MICALL1: variants seen among roughly 807,000 people sequenced by gnomAD.
MICALL1 encodes the protein MICAL like 1.
In MICALL1, 61 loss-of-function variants were observed where a neutral mutation model predicts 83.7. The ratio of observed to expected loss-of-function variants is 0.73; its 90% CI spans 0.59 to 0.90. The LOEUF is 0.90. Among genes scored for constraint, MICALL1 ranks in the 40% least tolerant of loss-of-function variants. MICALL1 has a pLI of 0.00. For missense variants in MICALL1, 1,066 were observed against 1,152.0 expected (o/e 0.93, Z 1.08); for synonymous variants, 481 against 473.6 (o/e 1.02, Z -0.20).
intron 6 of MICALL1, among the ~76,000 whole-genome samples, chr22:37,922,852 G>C (rs1393986916): frequency 7.2e-6 from 1 of 139,300 alleles, no homozygotes; most frequent in Non-Finnish European, 1.5e-5. Flanking sequence ...TGGTCAAGCT[G>C]GTGTTGAACT....
chr22:37,919,241 C>A, intron 5 of MICALL1, 63 bp downstream of exon 5: 1 of 1,438,426 alleles, frequency 7.0e-7, no homozygotes, highest in East Asian at 2.8e-5. Context: ...GGGTTCAGCA[C>A]ACACAGTGCG....
At position 37,932,278 on chromosome 22, in the gene MICALL1, CT is replaced by C. The variant is rs1478546995; in HGVS notation, c.2017-272del. On this transcript the variant is annotated intron_variant, in intron 10 of 15. Coordinates refer to ENST00000215957, the MANE Select transcript of MICALL1 (RefSeq NM_033386.4). The surrounding 1 kb of genome is among the most constrained non-coding windows in gnomAD (Gnocchi z 4.4). ...TCACTCTCACTGACATTGTGATACC[CT>C]TTCTGGAGTGGCAGAGAGGAGGCGT... 6.6e-6 allele frequency among the ~76,000 whole-genome samples: 1 copy of C among 152,250 alleles called. No individual in the cohort carries two copies. The highest frequency in any genetic ancestry group is 1.5e-5 in the Non-Finnish European group (1 of 68,042).
intron 13 of MICALL1, among the ~76,000 whole-genome samples, chr22:37,935,747 T>C (rs1930083592): frequency 1.3e-5 from 2 of 148,596 alleles, no homozygotes; most frequent in African/African-American, 5.0e-5. Flanking sequence ...TTTTTTTTTT[T>C]GAGACAGAGT....
intron 3 of MICALL1, among the ~76,000 whole-genome samples, chr22:37,915,535 G>A (rs186610525): frequency 1.3e-5 from 2 of 152,080 alleles, no homozygotes; most frequent in African/African-American, 2.4e-5. Context: ...CTCTGCCTCA[G>A]TTTCCCTTTT....
chr22:37,937,715 CGCCCAGCTTAACTGCT>C lies in MICALL1; in HGVS notation c.2424-28_2424-13del. 1 of 1,610,476 alleles carries C rather than the reference CGCCCAGCTTAACTGCT, an allele frequency of 6.2e-7. No individual in the cohort carries two copies. Among genetic ancestry groups the C allele is most frequent in the African/African-American group, 1.3e-5 (1 of 74,960 alleles). The stretch of plus-strand genomic sequence containing the variant: ...CTGGGATTACAGGTGTGAGCCACCA[CGCCCAGCTTAACTGCT>C]GCTGCTTATTTCAGGGAGGAAGAGG... On this transcript the variant is annotated splice_polypyrimidine_tract_variant and intron_variant, in intron 14 of 15. Transcript: ENST00000215957.
chr22:37,927,270 C>G, intron 8 of MICALL1, 141 bp from the exon 9 acceptor site: 2 of 1,029,720 alleles, frequency 1.9e-6, no homozygotes, highest in Non-Finnish European at 2.7e-6. Flanking sequence ...TTGCTGTTCC[C>G]TGGGCCTTGG....
At position 37,928,605 on chromosome 22, in the gene MICALL1, G is replaced by A. The variant is rs182800248; in HGVS notation, c.1881+779G>A. Among the ~76,000 whole-genome samples the A allele has an allele frequency of 4.6e-3, 695 of 152,190 alleles. 4 individuals are homozygous for A. Among genetic ancestry groups the A allele is most frequent in the African/African-American group, 0.016 (659 of 41,512 alleles). Reference sequence around the variant, plus strand: ...ACTCTGTCCAATGAGGCACAAACCCGTCTGTCCATGCTTCCATCCATCTGC... The same window carrying A: ...ACTCTGTCCAATGAGGCACAAACCCATCTGTCCATGCTTCCATCCATCTGC... On this transcript the variant is annotated intron_variant, in intron 9 of 15. Transcript: ENST00000215957.
chr22:37,910,768 T>C (rs1263155351), intron 1 of MICALL1, among the ~76,000 whole-genome samples: 2 of 151,886 alleles, frequency 1.3e-5, no homozygotes, highest in African/African-American at 4.8e-5. Flanking sequence ...CTTACCTGGC[T>C]CCCTCATATC....
At chr22:37,921,659 C>T (rs1929038928) in intron 5 of MICALL1, among the ~76,000 whole-genome samples, 1 of 152,222 alleles carries the variant, frequency 6.6e-6, no homozygotes, top group Admixed American at 6.5e-5. Flanking sequence ...TCCTGAGCCA[C>T]TACTGGATGC....
chr22:37,922,472 C>G, intron 6 of MICALL1, 46 bp downstream of exon 6: 4 of 1,400,708 alleles, frequency 2.9e-6, no homozygotes, highest in Non-Finnish European at 3.8e-6. Flanking sequence ...TGGCAGTGCA[C>G]TGTCTATTGA....
At chr22:37,933,858 C>T (rs144892747) in intron 13 of MICALL1, among the ~76,000 whole-genome samples, 13 of 152,314 alleles carry the variant, frequency 8.5e-5, no homozygotes, top group African/African-American at 2.6e-4. Context: ...CTGTTGGTGA[C>T]GGGGCTGGGC....
At chr22:37,918,942 G>C (rs749467050) in intron 4 of MICALL1, 94 bp from the exon 5 acceptor site, 1 of 1,383,064 alleles carries the variant, frequency 7.2e-7, no homozygotes, top group East Asian at 2.9e-5. Flanking sequence ...CTTGAGTGAC[G>C]GTGGCCGTTG....
intron 3 of MICALL1, among the ~76,000 whole-genome samples, chr22:37,915,734 C>T (rs1436491264): frequency 2.0e-5 from 3 of 151,748 alleles, no homozygotes; most frequent in Admixed American, 6.6e-5. Flanking sequence ...CAGCCTCTGC[C>T]TCCCATGTTC....
At chr22:37,918,055 A>T (rs1928788295) in intron 4 of MICALL1, among the ~76,000 whole-genome samples, 1 of 152,168 alleles carries the variant, frequency 6.6e-6, no homozygotes, top group Non-Finnish European at 1.5e-5. Context: ...GGGTCAGGAG[A>T]TGCCAGCTCT....
At chr22:37,922,805 T>TG (rs1177698901) in intron 6 of MICALL1, among the ~76,000 whole-genome samples, 52 of 139,484 alleles carry the variant, frequency 3.7e-4, no homozygotes, top group African/African-American at 1.3e-3. Context: ...TGTTTTTTTT[T>TG]TTTTTTTTTT....
chr22:37,912,137 C>A, intron 2 of MICALL1, 137 bp downstream of exon 2: 1 of 1,168,358 alleles, frequency 8.6e-7, no homozygotes, highest in Non-Finnish European at 1.3e-6. Flanking sequence ...TTTCCCCACC[C>A]TCTGCTTCCC....
At chr22:37,908,267 A>C (rs1463944205) in intron 1 of MICALL1, among the ~76,000 whole-genome samples, 1 of 151,638 alleles carries the variant, frequency 6.6e-6, no homozygotes, top group East Asian at 1.9e-4. Flanking sequence ...AACATTAGTT[A>C]CTGTGAGTAA....
rs778001753 is a variant in MICALL1, at chr22:37,937,188, G to A, written c.2417G>A (p.Arg806Gln). 6.4e-6 allele frequency: 10 copies of A among 1,550,878 alleles called. No individual in the cohort carries two copies. Among genetic ancestry groups the A allele is most frequent in the Admixed American group, 3.9e-5 (2 of 50,948 alleles). ...NAIINCLDED[R>Q]QREEEEDKML... Reference sequence around the variant, plus strand: ...ATCATCAACTGCCTGGATGAGGACCGGCAGAGGTGACATGGCCAGGGGTGG... The same window carrying A: ...ATCATCAACTGCCTGGATGAGGACCAGCAGAGGTGACATGGCCAGGGGTGG... The change falls in exon 14 of 16, where the codon CGG (arginine) becomes CAG (glutamine). Residue 806 changes from arginine to glutamine, a missense_variant. Coordinates refer to ENST00000215957, the MANE Select transcript of MICALL1 (RefSeq NM_033386.4).
chr22:37,934,605 T>G (rs1193987022), intron 13 of MICALL1, among the ~76,000 whole-genome samples: 1 of 148,870 alleles, frequency 6.7e-6, no homozygotes, highest in African/African-American at 2.5e-5. Context: ...ATTATTATTA[T>G]TTTTTTTTTG....
Sources: gnomAD v4.1 joint callset for allele counts (sites outside exome capture counted in the v4.1 genomes callset) on GRCh38, gnomAD v4.1.1 for gene constraint, Gnocchi (gnomAD v3.1) non-coding constraint, MANE v1.5 for transcripts, NCBI Gene and HGNC (gene_info 2026-07-23, HGNC 2026-07-21) for gene names.